Variants in CFAP44 observed in about 807,000 individuals in gnomAD.
CFAP44 encodes the protein cilia and flagella associated protein 44.
A neutral mutation model predicts 216.2 loss-of-function variants in CFAP44; 134 were observed. The ratio of observed to expected loss-of-function variants is 0.62; its 90% confidence interval spans 0.54 to 0.72. The LOEUF (loss-of-function observed/expected upper bound fraction) is 0.72, where lower values mean the gene tolerates loss of function less well. Among genes scored for constraint, CFAP44 ranks in the 30% least tolerant of loss-of-function variants. The pLI, the probability that CFAP44 is intolerant of heterozygous loss-of-function variation, is 0.00. For synonymous variants in CFAP44, 700 were observed against 727.6 expected, an observed-to-expected ratio of 0.96 and a Z score of 0.61; for missense variants, 2,035 against 2,182.1, an observed-to-expected ratio of 0.93 and a Z score of 1.34.
intron 21 of CFAP44, among the ~76,000 whole-genome samples, chr3:113,362,421 C>T (rs1391832750): frequency 6.6e-6 from 1 of 152,102 alleles, no homozygotes; most frequent in Non-Finnish European, 1.5e-5. Flanking sequence ...GAAGGGGCCA[C>T]CACCAATCAC....
chr3:113,301,038 T>C (rs537061757), intron 32 of CFAP44, among the ~76,000 whole-genome samples: 32 of 152,234 alleles, frequency 2.1e-4, no homozygotes, highest in African/African-American at 7.0e-4. Context: ...TGTAAACATA[T>C]ACCATGTACA....
intron 2 of CFAP44, 27 bp downstream of exon 2, chr3:113,433,538 A>T (rs755156897): frequency 6.7e-7 from 1 of 1,483,254 alleles, no homozygotes; most frequent in African/African-American, 1.4e-5. Flanking sequence ...TAATACTTTT[A>T]AAAGTATACA....
chr3:113,321,069 A>G (rs1240430674), intron 28 of CFAP44, among the ~76,000 whole-genome samples: 1 of 152,102 alleles, frequency 6.6e-6, no homozygotes, highest in Non-Finnish European at 1.5e-5. Context: ...GATATGATGA[A>G]GAAAGAAAAC....
At chr3:113,432,984 T>C (rs1340689654) in intron 2 of CFAP44, among the ~76,000 whole-genome samples, 1 of 152,220 alleles carries the variant, frequency 6.6e-6, no homozygotes, top group Non-Finnish European at 1.5e-5. Flanking sequence ...GTTCTCTGCA[T>C]GGCTGCCCAA....
At chr3:113,381,831 T>C (rs1488411830) in intron 15 of CFAP44, among the ~76,000 whole-genome samples, 2 of 152,304 alleles carry the variant, frequency 1.3e-5, no homozygotes, top group Middle Eastern at 3.4e-3. Context: ...ACATATAATA[T>C]CTGCCATTAT....
chr3:113,325,212 G>C (rs539962752), intron 28 of CFAP44, among the ~76,000 whole-genome samples: 1 of 150,306 alleles, frequency 6.7e-6, no homozygotes, highest in African/African-American at 2.4e-5. Context: ...TGAGTCAGGA[G>C]AGTGGTGTGA....
At chr3:113,296,387 C>A (rs1949880943) in intron 33 of CFAP44, among the ~76,000 whole-genome samples, 1 of 152,138 alleles carries the variant, frequency 6.6e-6, no homozygotes, top group African/African-American at 2.4e-5. Context: ...TGATGCTGAG[C>A]ATTTTTAAAT....
rs1006738506 is a variant in CFAP44, at chr3:113,289,733, G to A, written c.*1824C>T. On this transcript the variant is annotated 3_prime_UTR_variant, in exon 35 of 35. Coordinates refer to ENST00000393845, the MANE Select transcript of CFAP44 (RefSeq NM_001164496.2). ...GTGACGCTATGTCACTTCTGAGCTT[G>A]GGCTGTAAAAGACTGTGGCTCTTGT... 1 of 152,238 alleles carries A rather than the reference G, an allele frequency of 6.6e-6. No individual in the cohort carries two copies. The highest frequency in any genetic ancestry group is 2.4e-5 in the African/African-American group (1 of 41,444). 9.4% of individuals were successfully genotyped at this position (152,238 alleles called of 1,614,324 possible). A position where few individuals can be genotyped will look rare whatever the true frequency, so the allele number is the denominator to read the frequency against.
intron 11 of CFAP44, 100 bp downstream of exon 11, chr3:113,401,140 C>A: frequency 8.9e-7 from 1 of 1,126,712 alleles, no homozygotes; most frequent in South Asian, 1.5e-5. Context: ...TTATGAGGAC[C>A]ATGATGAAAT....
intron 28 of CFAP44, among the ~76,000 whole-genome samples, chr3:113,322,073 TA>T (rs1452086590): frequency 6.6e-6 from 1 of 152,192 alleles, no homozygotes. Flanking sequence ...AATGCAATCC[TA>T]AAGATAATCC....
At chr3:113,385,742 C>T (rs1156815117) in intron 15 of CFAP44, among the ~76,000 whole-genome samples, 7 of 151,900 alleles carry the variant, frequency 4.6e-5, no homozygotes, top group East Asian at 3.9e-4. Flanking sequence ...CGGGTTCAAG[C>T]GATTCTCCCA....
intron 32 of CFAP44, among the ~76,000 whole-genome samples, chr3:113,297,236 G>A (rs1949890608): frequency 6.6e-6 from 1 of 151,890 alleles, no homozygotes; most frequent in Non-Finnish European, 1.5e-5. Flanking sequence ...AATAGAGCAG[G>A]CACTTCAGAG....
chr3:113,420,140 T>C lies in CFAP44; in HGVS notation c.447A>G (p.Leu149=). The C allele has an allele frequency of 6.2e-7, 1 of 1,613,738 alleles. No individual in the cohort carries two copies. The change falls in exon 5 of 35, where the codon CTA becomes CTG. Residue 149 remains leucine, a synonymous_variant. Transcript: ENST00000393845. ...TGGCGATACTGTCGTCCAGAAGTTG[T>C]AGGTTGGCTCGCTTTCTACAGTCAT... is the stretch of plus-strand genomic sequence containing the variant. ...FGYDCRKRAN[L]QLLDDSIAIY...
intron 2 of CFAP44, chr3:113,432,020 T>C (rs1018968577): frequency 3.3e-5 from 5 of 152,178 alleles, no homozygotes; most frequent in Non-Finnish European, 5.9e-5. Flanking sequence ...ATTGTTTTAA[T>C]GGGTGAGAAA....
In CFAP44 at chr3:113,344,519, C is replaced by A. The variant is rs927330957; in HGVS notation, c.3259G>T (p.Ala1087Ser). 1 of 1,536,038 alleles carries A rather than the reference C, an allele frequency of 6.5e-7. No individual in the cohort carries two copies. Among genetic ancestry groups the A allele is most frequent in the Non-Finnish European group, 8.7e-7 (1 of 1,146,472 alleles). Residue 1087 changes from alanine (A) to serine (S), a missense_variant, in exon 23 of 35, where the codon GCA becomes TCA. By Grantham distance (99) the Ala-to-Ser change is moderately conservative. This residue lies in a region of CFAP44 where 1,883 missense variants were observed against 2,023.7 expected (regional missense o/e 0.93). Transcript: ENST00000393845. ...AAGCCTTCTTGTCATAGGCTACCTG[C>A]ATCTCTCTGGCTGTCCTTTCTTCCA... ...GPGRKDSQRD[A>S]GGSVTIQEES...
chr3:113,357,604 C>T (rs971808859), intron 22 of CFAP44, among the ~76,000 whole-genome samples: 1 of 152,172 alleles, frequency 6.6e-6, no homozygotes, highest in Non-Finnish European at 1.5e-5. Context: ...TGATTTTGGA[C>T]TTCTAGCCTC....
At chr3:113,303,837 C>A in intron 32 of CFAP44, 79 bp downstream of exon 32, 1 of 1,428,646 alleles carries the variant, frequency 7.0e-7, no homozygotes. Flanking sequence ...ACTATTTTCA[C>A]AGTTGGAGAC....
chr3:113,398,446 A>C (rs1934051363), intron 13 of CFAP44, among the ~76,000 whole-genome samples: 2 of 152,220 alleles, frequency 1.3e-5, no homozygotes, highest in South Asian at 4.1e-4. Flanking sequence ...TTGTAGCTTA[A>C]AATCCATATG....
chr3:113,405,529 T>C, intron 8 of CFAP44, among the ~76,000 whole-genome samples: 1 of 152,198 alleles, frequency 6.6e-6, no homozygotes, highest in Non-Finnish European at 1.5e-5. Flanking sequence ...GCAAGTCTAC[T>C]CTTCCCATGT....
Sources: allele counts gnomAD v4.1 joint callset (sites outside exome capture counted in the v4.1 genomes callset), GRCh38; gene constraint gnomAD v4.1.1; regional missense constraint gnomAD v4.1.1; transcripts MANE v1.5; gene names NCBI Gene and HGNC (gene_info 2026-07-23, HGNC 2026-07-21).